Variants in PSD3 observed in about 807,000 individuals in gnomAD.
PSD3 encodes the protein pleckstrin and Sec7 domain containing 3.
PSD3 carries 49 observed loss-of-function variants against 105.5 expected under a neutral mutation model. The ratio of observed to expected loss-of-function variants is 0.46; its 90% CI spans 0.37 to 0.59. The LOEUF is 0.59. Among genes scored for constraint, PSD3 ranks in the 20% least tolerant of loss-of-function variants. The probability of loss-of-function intolerance (pLI) is 0.00; values close to 1 mark genes in which losing one functional copy is unlikely to be tolerated. For missense variants in PSD3, 1,561 were observed against 1,263.8 expected (o/e 1.24, Z -3.57); for synonymous variants, 557 against 457.8 (o/e 1.22, Z -2.77).
chr8:18,933,443 T>C (rs563524792), intron 2 of PSD3, among the ~76,000 whole-genome samples: 1 of 152,244 alleles, frequency 6.6e-6, no homozygotes, highest in East Asian at 1.9e-4. Flanking sequence ...AAGTTATGTC[T>C]ATGCCAAGGA....
intron 1 of PSD3, among the ~76,000 whole-genome samples, chr8:19,009,616 C>T (rs1380802013): frequency 6.6e-6 from 1 of 152,186 alleles, no homozygotes; most frequent in Non-Finnish European, 1.5e-5. Flanking sequence ...TTGGCCGGGC[C>T]TGGTGGCTCA....
intron 2 of PSD3, among the ~76,000 whole-genome samples, chr8:18,904,199 C>A (rs1819691003): frequency 6.6e-6 from 1 of 152,048 alleles, no homozygotes; most frequent in South Asian, 2.1e-4. Context: ...GAAGGAGGTG[C>A]TAGGCTCTTT....
chr8:19,001,413 C>A (rs1422752126), intron 1 of PSD3, among the ~76,000 whole-genome samples: 1 of 150,720 alleles, frequency 6.6e-6, no homozygotes, highest in African/African-American at 2.5e-5. Context: ...CACAGTTTCC[C>A]CCATTATTAT....
intron 9 of PSD3, among the ~76,000 whole-genome samples, chr8:18,759,092 A>ACACACACACACACACACACACACT (rs756248977): frequency 7.0e-6 from 1 of 143,864 alleles, no homozygotes; most frequent in Admixed American, 7.0e-5. Context: ...ACACACACAC[A>ACACACACACACACACACACACACT]CTCTCTCTCT....
intron 4 of PSD3, among the ~76,000 whole-genome samples, chr8:18,821,558 G>A (rs1277409247): frequency 1.3e-5 from 2 of 151,970 alleles, no homozygotes; most frequent in African/African-American, 2.4e-5. Context: ...TAACAAAACT[G>A]AATAATATTG....
At chr8:18,874,917 C>T (rs1817632584) in intron 2 of PSD3, among the ~76,000 whole-genome samples, 1 of 151,962 alleles carries the variant, frequency 6.6e-6, no homozygotes, top group South Asian at 2.1e-4. Flanking sequence ...AATATATACA[C>T]TTTTTTCTCT....
intron 8 of PSD3, among the ~76,000 whole-genome samples, chr8:18,778,191 G>T (rs1440228982): frequency 6.6e-6 from 1 of 152,006 alleles, no homozygotes; most frequent in East Asian, 1.9e-4. Context: ...AATTACTCCT[G>T]GGTTAAATTT....
intron 2 of PSD3, among the ~76,000 whole-genome samples, chr8:18,906,440 A>C (rs2129462431): frequency 6.6e-6 from 1 of 152,360 alleles, no homozygotes; most frequent in South Asian, 2.1e-4. Context: ...GGAAATTCAT[A>C]GTTAGGAGCA....
At chr8:18,648,587 G>C (rs955679727) in intron 10 of PSD3, among the ~76,000 whole-genome samples, 2 of 152,190 alleles carry the variant, frequency 1.3e-5, no homozygotes, top group South Asian at 4.1e-4. Context: ...TGGAAAATTT[G>C]CAGCCTGGCC....
intron 9 of PSD3, among the ~76,000 whole-genome samples, chr8:18,706,715 T>C (rs1368857276): frequency 1.3e-5 from 2 of 152,140 alleles, no homozygotes; most frequent in South Asian, 4.1e-4. Context: ...GGCAAACACA[T>C]CCTCACTGGA....
upstream of PSD3, among the ~76,000 whole-genome samples, chr8:19,015,072 G>T (rs1476165985): frequency 1.3e-5 from 2 of 152,146 alleles, no homozygotes; most frequent in Non-Finnish European, 2.9e-5. Context: ...ATCTTGAATT[G>T]TAAGTCCCGC....
At chr8:18,793,779 C>T (rs1296794842) in intron 8 of PSD3, among the ~76,000 whole-genome samples, 1 of 152,132 alleles carries the variant, frequency 6.6e-6, no homozygotes, top group African/African-American at 2.4e-5. Flanking sequence ...TATTATCCTG[C>T]AGGACGATGA....
intron 2 of PSD3, among the ~76,000 whole-genome samples, chr8:18,897,642 T>C (rs1281695990): frequency 2.0e-5 from 3 of 152,202 alleles, no homozygotes; most frequent in Non-Finnish European, 1.5e-5. Context: ...GAAAATGCAA[T>C]GTGTTTTTAT....
Position 18,804,578 on chromosome 8 carries a change from T to C in PSD3, c.1854A>G (p.Ala618=), listed in dbSNP as rs1312069416. 3.7e-6 allele frequency: 6 copies of C among 1,613,672 alleles called. No individual in the cohort carries two copies. Among genetic ancestry groups the C allele is most frequent in the South Asian group, 2.2e-5 (2 of 91,066 alleles). Residue 618 remains alanine, a synonymous_variant, in exon 6 of 16, where the codon GCA becomes GCG. Transcript: ENST00000327040. ...AATCAAAAAACTTCAGATATTCTTC[T>C]GCAACTAGTTTGCTAAATTCGTTGC... The part of the protein sequence containing the change: ...GKNNEFSKLV[A]EEYLKFFDFT...
At chr8:18,980,225 G>A (rs149349177) in intron 1 of PSD3, among the ~76,000 whole-genome samples, 1 of 152,200 alleles carries the variant, frequency 6.6e-6, no homozygotes, top group African/African-American at 2.4e-5. Flanking sequence ...TGGTGAGAAA[G>A]CCAGACCTGA....
At chr8:18,880,155 T>C (rs1339974286) in intron 2 of PSD3, among the ~76,000 whole-genome samples, 2 of 152,204 alleles carry the variant, frequency 1.3e-5, no homozygotes, top group Non-Finnish European at 2.9e-5. Context: ...TTCTGATTTA[T>C]TCCTTCTGTT....
At chr8:18,747,154 C>T (rs758454466) in intron 9 of PSD3, among the ~76,000 whole-genome samples, 4 of 152,172 alleles carry the variant, frequency 2.6e-5, no homozygotes, top group African/African-American at 4.8e-5. Context: ...TTAATACTAA[C>T]GATTTAAAAA....
intron 1 of PSD3, among the ~76,000 whole-genome samples, chr8:19,031,194 T>C (rs1185931739): frequency 6.6e-6 from 1 of 152,200 alleles, no homozygotes; most frequent in Non-Finnish European, 1.5e-5. Context: ...TTCACCAACA[T>C]ATTTTGTCAA....
At chr8:18,893,468 G>C (rs1818943826) in intron 2 of PSD3, among the ~76,000 whole-genome samples, 1 of 152,184 alleles carries the variant, frequency 6.6e-6, no homozygotes, top group Non-Finnish European at 1.5e-5. Flanking sequence ...AATTAGGTTT[G>C]TAACTCTAAG....
Sources: allele counts gnomAD v4.1 joint callset (sites outside exome capture counted in the v4.1 genomes callset), GRCh38; gene constraint gnomAD v4.1.1; transcripts MANE v1.5; gene names NCBI Gene and HGNC (gene_info 2026-07-23, HGNC 2026-07-21).